SEC24B: variants seen among roughly 807,000 people sequenced by gnomAD.
The protein encoded by SEC24B is protein transport protein Sec24B.
SEC24B carries 45 observed loss-of-function variants against 142.8 expected under a neutral mutation model. That is an observed-to-expected ratio of 0.32 (90% CI 0.25 to 0.40). The LOEUF is 0.40. Among genes scored for constraint, SEC24B ranks in the 10% least tolerant of loss-of-function variants. The pLI is 1.00. For missense variants in SEC24B, 1,409 were observed against 1,526.8 expected (o/e 0.92, Z 1.29); for synonymous variants, 574 against 568.2 (o/e 1.01, Z -0.15).
chr4:109,530,589 A>T, intron 19 of SEC24B, 125 bp downstream of exon 19: 1 of 800,164 alleles, frequency 1.2e-6, no homozygotes, highest in African/African-American at 1.7e-5. Flanking sequence ...TAGCATTGAA[A>T]GAGTTTTGAA....
intron 15 of SEC24B, 95 bp from the exon 16 acceptor site, chr4:109,525,251 C>A: frequency 9.3e-7 from 1 of 1,072,280 alleles, no homozygotes; most frequent in Non-Finnish European, 1.3e-6. Context: ...TTTCTCATGA[C>A]TTAGATTTCT....
chr4:109,533,775 T>G lies in SEC24B; in HGVS notation c.3588+90T>G. 3 of 841,820 alleles carry G rather than the reference T, an allele frequency of 3.6e-6. No individual in the cohort carries two copies. In the Admixed American group the frequency reaches 7.0e-5, roughly 20 times the overall value. 52.1% of individuals were successfully genotyped at this position (841,820 alleles called of 1,614,324 possible). A position where few individuals can be genotyped will look rare whatever the true frequency, so the allele number is the denominator to read the frequency against. ...ATGTAATATTCACCATTTTAAAATG[T>G]ACAATTCAGTAATTTTTGGTATTAC... is the stretch of plus-strand genomic sequence containing the variant. On this transcript the variant is annotated intron_variant, in intron 22 of 23. Coordinates refer to ENST00000265175, the MANE Select transcript of SEC24B (RefSeq NM_006323.5).
chr4:109,486,228 A>T (rs939365355), intron 4 of SEC24B, among the ~76,000 whole-genome samples: 2 of 152,230 alleles, frequency 1.3e-5, no homozygotes, highest in African/African-American at 4.8e-5. Context: ...CAGAGATGTC[A>T]GGTGTCCATT....
At chr4:109,507,416 G>T (rs963164330) in intron 7 of SEC24B, among the ~76,000 whole-genome samples, 1 of 149,956 alleles carries the variant, frequency 6.7e-6, no homozygotes. Flanking sequence ...TGAGATTACG[G>T]GTGTGCACCA....
At chr4:109,467,219 G>A (rs1434975270) in intron 2 of SEC24B, among the ~76,000 whole-genome samples, 2 of 150,842 alleles carry the variant, frequency 1.3e-5, no homozygotes, top group Non-Finnish European at 3.0e-5. Context: ...CCAGCTACTC[G>A]GGAGGCTGAG....
intron 2 of SEC24B, among the ~76,000 whole-genome samples, chr4:109,466,094 A>T (rs1485032744): frequency 6.6e-6 from 1 of 152,222 alleles, no homozygotes; most frequent in Non-Finnish European, 1.5e-5. Flanking sequence ...TTAAAATTAA[A>T]TATTGCCAAA....
At chr4:109,512,159 T>G in intron 9 of SEC24B, 76 bp downstream of exon 9, 1 of 1,333,556 alleles carries the variant, frequency 7.5e-7, no homozygotes, top group South Asian at 1.4e-5. Context: ...CATCTCCTGG[T>G]TTCTCTCTTC....
intron 6 of SEC24B, among the ~76,000 whole-genome samples, chr4:109,498,537 T>C (rs1735772536): frequency 1.3e-5 from 2 of 152,118 alleles, no homozygotes; most frequent in African/African-American, 4.8e-5. Flanking sequence ...GCTAATTTTT[T>C]GTATTTTTAG....
intron 18 of SEC24B, among the ~76,000 whole-genome samples, chr4:109,529,318 C>T (rs911988820): frequency 6.6e-6 from 1 of 151,966 alleles, no homozygotes; most frequent in Admixed American, 6.6e-5. Flanking sequence ...ATCAGTTGTA[C>T]CCCAAACCTC....
At chr4:109,456,209 G>A (rs1379998954) in intron 1 of SEC24B, among the ~76,000 whole-genome samples, 1 of 151,352 alleles carries the variant, frequency 6.6e-6, no homozygotes, top group Non-Finnish European at 1.5e-5. Context: ...ATTGATTCTT[G>A]TATATTGACC....
At chr4:109,508,953 T>C (rs1317750751) in intron 7 of SEC24B, among the ~76,000 whole-genome samples, 3 of 152,232 alleles carry the variant, frequency 2.0e-5, no homozygotes, top group Non-Finnish European at 2.9e-5. Flanking sequence ...ATCACAGAAC[T>C]TATATTCTCC....
intron 2 of SEC24B, among the ~76,000 whole-genome samples, chr4:109,465,539 G>A (rs936164823): frequency 1.3e-5 from 2 of 152,150 alleles, no homozygotes; most frequent in East Asian, 3.9e-4. Context: ...TCTAGAAATT[G>A]TTTTCCTCTC....
At chr4:109,519,287 A>G (rs1305578821) in intron 11 of SEC24B, among the ~76,000 whole-genome samples, 2 of 152,210 alleles carry the variant, frequency 1.3e-5, no homozygotes, top group African/African-American at 2.4e-5. Context: ...ACTGAGAGAG[A>G]TGATTGACAA....
chr4:109,508,382 T>A (rs1736947579), intron 7 of SEC24B, among the ~76,000 whole-genome samples: 1 of 151,872 alleles, frequency 6.6e-6, no homozygotes. Context: ...CTGGACAACA[T>A]GGCGAAACCC....
chr4:109,445,410 AT>A (rs59451230), intron 1 of SEC24B, among the ~76,000 whole-genome samples: 121,832 of 123,832 alleles, frequency 0.98, 59,934 homozygotes, highest in Middle Eastern at 1. Flanking sequence ...CGCCCAGCTA[AT>A]TTTTTTTTTT....
intron 2 of SEC24B, among the ~76,000 whole-genome samples, chr4:109,470,355 A>G (rs1267960444): frequency 1.3e-5 from 2 of 152,208 alleles, no homozygotes; most frequent in Non-Finnish European, 2.9e-5. Context: ...TCTACTTTCT[A>G]ACAAACTTCC....
At chr4:109,505,849 T>A (rs1227485302) in intron 6 of SEC24B, among the ~76,000 whole-genome samples, 1 of 152,174 alleles carries the variant, frequency 6.6e-6, no homozygotes, top group African/African-American at 2.4e-5. Flanking sequence ...TTGAACATCA[T>A]AAGAATAATG....
chr4:109,492,375 A>G (rs543155678), intron 5 of SEC24B, among the ~76,000 whole-genome samples: 1 of 152,260 alleles, frequency 6.6e-6, no homozygotes, highest in Admixed American at 6.5e-5. Context: ...TCTTATCAAG[A>G]TCTTCTAGAA....
intron 1 of SEC24B, among the ~76,000 whole-genome samples, chr4:109,441,777 G>A (rs924131138): frequency 1.3e-5 from 2 of 152,196 alleles, no homozygotes; most frequent in Non-Finnish European, 1.5e-5. Context: ...GATAATTGAT[G>A]TTGTAGCAGG....
Sources: gnomAD v4.1 joint callset for allele counts (sites outside exome capture counted in the v4.1 genomes callset) on GRCh38, gnomAD v4.1.1 for gene constraint, MANE v1.5 for transcripts, NCBI Gene and HGNC (gene_info 2026-07-23, HGNC 2026-07-21) for gene names.